TOP1: variants seen among roughly 807,000 people sequenced by gnomAD.
TOP1 encodes DNA topoisomerase 1.
A neutral mutation model predicts 111.1 loss-of-function variants in TOP1; 10 were observed. The ratio of observed to expected loss-of-function variants is 0.09; its 90% CI spans 0.06 to 0.15. The LOEUF is 0.15. TOP1 is among the 10% of genes least tolerant of loss of function. The probability of loss-of-function intolerance (pLI) is 1.00; values close to 1 mark genes in which losing one functional copy is unlikely to be tolerated. For synonymous variants in TOP1, 271 were observed against 302.9 expected (o/e 0.89, Z 1.10); for missense variants, 474 against 926.7 (o/e 0.51, Z 6.34).
Position 41,118,191 on chromosome 20 carries a change from G to A in TOP1, c.1845G>A (p.Lys615=), listed in dbSNP as rs1005638892. ...CAGCGGATGAGAACATCCCAGCGAA[G>A]ATCCTTTCTTATAACCGTGCCAATC... is the stretch of plus-strand genomic sequence containing the variant. The part of the protein sequence containing the change: ...LTAPDENIPA[K]ILSYNRANRA... Residue 615 remains lysine, a synonymous_variant, in exon 18 of 21, where the codon AAG becomes AAA. Coordinates refer to ENST00000361337, the MANE Select transcript of TOP1 (RefSeq NM_003286.4). The surrounding 1 kb of genome is among the most constrained non-coding windows in gnomAD (Gnocchi z 4.6). The A allele has an allele frequency of 2.5e-6, 4 of 1,614,142 alleles. No homozygotes were observed.
At chr20:41,036,367 T>A (rs1363067854) in intron 2 of TOP1, among the ~76,000 whole-genome samples, 1 of 152,098 alleles carries the variant, frequency 6.6e-6, no homozygotes, top group East Asian at 1.9e-4. Flanking sequence ...TGGTGTAGGA[T>A]TCCGAAAAAT....
At chr20:41,055,291 A>G (rs1453037252) in intron 2 of TOP1, among the ~76,000 whole-genome samples, 1 of 152,210 alleles carries the variant, frequency 6.6e-6, no homozygotes, top group Non-Finnish European at 1.5e-5. Flanking sequence ...TTCTTTTTGC[A>G]CTTAACAGGT....
rs2033093581 is a variant in TOP1 at position 41,029,735 on chromosome 20, A to G, written c.58+280A>G. On this transcript the variant is annotated intron_variant, in intron 2 of 20. Coordinates refer to ENST00000361337, the MANE Select transcript of TOP1 (RefSeq NM_003286.4). The surrounding 1 kb of genome is among the most constrained non-coding windows in gnomAD (Gnocchi z 6.1). ...TTTCCGGGCCGGGATTCCTCCCGGG[A>G]AAGTCGCCTTGTCGACGGTCGGGAC... 3.7e-6 allele frequency: 2 copies of G among 533,458 alleles called. No individual in the cohort carries two copies. Among genetic ancestry groups the G allele is most frequent in the Non-Finnish European group, 6.8e-6 (2 of 295,218 alleles). The allele number at this position is 533,458 out of a possible 1,614,324, so 33.0% of individuals were successfully genotyped here. A position where few individuals can be genotyped will look rare whatever the true frequency, so the allele number is the denominator to read the frequency against.
chr20:41,098,058 A>ATT lies in TOP1; in HGVS notation c.853-151_853-150dup, dbSNP rs1015920230. 6.6e-6 allele frequency among the ~76,000 whole-genome samples: 1 copy of ATT among 152,126 alleles called. No homozygotes were observed. Among genetic ancestry groups the ATT allele is most frequent in the African/African-American group, 2.4e-5 (1 of 41,412 alleles). On this transcript the variant is annotated intron_variant, in intron 10 of 20. Transcript: ENST00000361337. This position sits in a 1 kb window ranked among gnomAD's most constrained non-coding sequence, Gnocchi z 5.7. ...TTTTATAATAAAGTAATACAACTGT[A>ATT]TTTTTTTGTTTTTTCAAAATTCATT...
At position 41,115,188 on chromosome 20, in the gene TOP1, AGT is replaced by A. The variant is rs1417419409; in HGVS notation, c.1639-181_1639-180del. On this transcript the variant is annotated intron_variant, in intron 15 of 20. Transcript: ENST00000361337. This position sits in a 1 kb window ranked among gnomAD's most constrained non-coding sequence, Gnocchi z 6.3. ...TATCTGTAAATATACACATGGAGAG[AGT>A]GAGCATACATGCACACTGTGCAAAT... is the stretch of plus-strand genomic sequence containing the variant. 2.6e-5 allele frequency among the ~76,000 whole-genome samples: 4 copies of A among 152,140 alleles called. No individual in the cohort carries two copies. The highest frequency in any genetic ancestry group is 5.9e-5 in the Non-Finnish European group (4 of 68,034).
At chr20:41,047,336 T>C (rs772033093) in intron 2 of TOP1, among the ~76,000 whole-genome samples, 3 of 152,240 alleles carry the variant, frequency 2.0e-5, no homozygotes, top group African/African-American at 7.2e-5. Flanking sequence ...TACGTTCAGA[T>C]ACACAAATAC....
intron 2 of TOP1, among the ~76,000 whole-genome samples, chr20:41,059,971 A>G (rs1392027437): frequency 2.6e-5 from 4 of 152,206 alleles, no homozygotes; most frequent in African/African-American, 9.7e-5. Context: ...GTGAATTGAA[A>G]CCACAGTGAG....
Position 41,092,339 on chromosome 20 carries a change from C to G in TOP1, c.615-133C>G, listed in dbSNP as rs758135014. The G allele has an allele frequency of 1.8e-4, 85 of 474,592 alleles. No individual in the cohort carries two copies. Among genetic ancestry groups the G allele is most frequent in the Middle Eastern group, 1.5e-3 (5 of 3,394 alleles). The allele number at this position is 474,592 out of a possible 1,614,324, so 29.4% of individuals were successfully genotyped here. On this transcript the variant is annotated intron_variant, in intron 8 of 20. Coordinates refer to ENST00000361337, the MANE Select transcript of TOP1 (RefSeq NM_003286.4). The surrounding 1 kb of genome is among the most constrained non-coding windows in gnomAD (Gnocchi z 4.3). Reference sequence around the variant, plus strand: ...AGACACTGGTTCTTTTGATCCAGGCCTTGAATGTGAGGCCCAGAAGTCATT... The same window carrying G: ...AGACACTGGTTCTTTTGATCCAGGCGTTGAATGTGAGGCCCAGAAGTCATT...
intron 3 of TOP1, among the ~76,000 whole-genome samples, chr20:41,064,500 T>A (rs2033584104): frequency 6.6e-6 from 1 of 152,366 alleles, no homozygotes; most frequent in Non-Finnish European, 1.5e-5. Flanking sequence ...AGTTTTTGGC[T>A]GTCTTTTCTC....
At chr20:41,104,897 C>T (rs1311964386) in intron 13 of TOP1, among the ~76,000 whole-genome samples, 1 of 152,178 alleles carries the variant, frequency 6.6e-6, no homozygotes, top group Non-Finnish European at 1.5e-5. Flanking sequence ...AAGAAGCATT[C>T]TCTTTTTAGA....
Position 41,121,032 on chromosome 20 carries a change from G to A in TOP1, c.1951-664G>A, listed in dbSNP as rs939125087. On this transcript the variant is annotated intron_variant, in intron 18 of 20. Coordinates refer to ENST00000361337, the MANE Select transcript of TOP1 (RefSeq NM_003286.4). The surrounding 1 kb of genome is among the most constrained non-coding windows in gnomAD (Gnocchi z 4.2). ...GCTGGGATTACAGGCGTGAGACACC[G>A]CGCCTGGTGACCGCTCTCCTTTTAA... Among the ~76,000 whole-genome samples, 5 of 152,308 alleles carry A rather than the reference G, an allele frequency of 3.3e-5. No individual in the cohort carries two copies. The highest frequency in any genetic ancestry group is 2.1e-4 in the South Asian group (1 of 4,822).
chr20:41,074,063 C>T (rs2033697496), intron 3 of TOP1, among the ~76,000 whole-genome samples: 1 of 152,150 alleles, frequency 6.6e-6, no homozygotes, highest in Admixed American at 6.5e-5. Context: ...CTGTGATTAC[C>T]TATACATTAA....
Position 41,110,035 on chromosome 20 carries a change from C to T in TOP1, c.1309-2747C>T, listed in dbSNP as rs564381160. 1.3e-5 allele frequency among the ~76,000 whole-genome samples: 2 copies of T among 152,306 alleles called. No homozygotes were observed. The highest frequency in any genetic ancestry group is 3.9e-4 in the East Asian group (2 of 5,184). ...GTGCGGTTGGTGCATGCCTGTAATC[C>T]AAGCACTCTGGGAGGCCAAGGCGGG... On this transcript the variant is annotated intron_variant, in intron 13 of 20. Coordinates refer to ENST00000361337, the MANE Select transcript of TOP1 (RefSeq NM_003286.4). This position sits in a 1 kb window ranked among gnomAD's most constrained non-coding sequence, Gnocchi z 4.2.
In TOP1 at chr20:41,082,414, T is replaced by C; in HGVS notation, c.507+1174T>C. On this transcript the variant is annotated intron_variant, in intron 7 of 20. Coordinates refer to ENST00000361337, the MANE Select transcript of TOP1 (RefSeq NM_003286.4). This position sits in a 1 kb window ranked among gnomAD's most constrained non-coding sequence, Gnocchi z 4.1. ...ATTTTGCAGATGCAGAAATAGAGTA[T>C]AGAAATATTTAATCATTTGCCTGAG... Among the ~76,000 whole-genome samples, 1 of 152,174 alleles carries C rather than the reference T, an allele frequency of 6.6e-6. No homozygotes were observed. Among genetic ancestry groups the C allele is most frequent in the East Asian group, 1.9e-4 (1 of 5,198 alleles).
chr20:41,111,602 C>CTTTT (rs1163578974), intron 13 of TOP1, among the ~76,000 whole-genome samples: 1 of 117,138 alleles, frequency 8.5e-6, no homozygotes, highest in Non-Finnish European at 1.8e-5. Context: ...CCCCCGCCCC[C>CTTTT]TTTTTTTTTT....
chr20:41,029,650 G>A lies in TOP1; in HGVS notation c.58+195G>A. ...GGGACCCCAGCTCCTCCAGATCCCG[G>A]CCCTCCCAAGAGGGGACAACGGAGA... On this transcript the variant is annotated intron_variant, in intron 2 of 20. Coordinates refer to ENST00000361337, the MANE Select transcript of TOP1 (RefSeq NM_003286.4). The surrounding 1 kb of genome is among the most constrained non-coding windows in gnomAD (Gnocchi z 6.1). 3.0e-6 allele frequency: 2 copies of A among 670,898 alleles called. No homozygotes were observed. The highest frequency in any genetic ancestry group is 5.4e-6 in the Non-Finnish European group (2 of 369,768). 41.6% of individuals were successfully genotyped at this position (670,898 alleles called of 1,614,324 possible). A position where few individuals can be genotyped will look rare whatever the true frequency, so the allele number is the denominator to read the frequency against.
chr20:41,118,317 G>A lies in TOP1; in HGVS notation c.1950+21G>A, dbSNP rs758717576. The A allele has an allele frequency of 6.2e-7, 1 of 1,613,308 alleles. No individual in the cohort carries two copies. The highest frequency in any genetic ancestry group is 8.5e-7 in the Non-Finnish European group (1 of 1,179,422). ...CTAAGGTATCTTGGATAAAATGAAG[G>A]GAACTGTGTCTGCTGTGGGCAGATT... On this transcript the variant is annotated intron_variant, in intron 18 of 20. Transcript: ENST00000361337. The surrounding 1 kb of genome is among the most constrained non-coding windows in gnomAD (Gnocchi z 4.6).
In TOP1 at chr20:41,121,948, C is replaced by A; in HGVS notation, c.2046-58C>A. 1 of 1,597,040 alleles carries A rather than the reference C, an allele frequency of 6.3e-7. No homozygotes were observed. Among genetic ancestry groups the A allele is most frequent in the Admixed American group, 1.7e-5 (1 of 58,306 alleles). On this transcript the variant is annotated intron_variant, in intron 19 of 20. Coordinates refer to ENST00000361337, the MANE Select transcript of TOP1 (RefSeq NM_003286.4). This position sits in a 1 kb window ranked among gnomAD's most constrained non-coding sequence, Gnocchi z 4.2. ...TTGACTCAAAGTGGCAGGATGGGTA[C>A]AGTGTGCTCTTGTCTAGAGCCCAGG...
chr20:41,052,122 C>T lies in TOP1; in HGVS notation c.59-9272C>T, dbSNP rs564957116. Among the ~76,000 whole-genome samples the T allele has an allele frequency of 2.6e-5, 4 of 152,262 alleles. No individual in the cohort carries two copies. The South Asian group carries it at 8.3e-4, about 32-fold the overall frequency. Reference sequence around the variant, plus strand: ...GACAGAGATTTGAAGCTCTTTACCACTGATTTATGCTACCTTCTCATAGAT... The same window carrying T: ...GACAGAGATTTGAAGCTCTTTACCATTGATTTATGCTACCTTCTCATAGAT... On this transcript the variant is annotated intron_variant, in intron 2 of 20. Coordinates refer to ENST00000361337, the MANE Select transcript of TOP1 (RefSeq NM_003286.4).
Sources: gnomAD v4.1 joint callset for allele counts (sites outside exome capture counted in the v4.1 genomes callset) on GRCh38, gnomAD v4.1.1 for gene constraint, Gnocchi (gnomAD v3.1) non-coding constraint, MANE v1.5 for transcripts, NCBI Gene and HGNC (gene_info 2026-07-23, HGNC 2026-07-21) for gene names.